Variants in ACSL4 observed in about 807,000 individuals in gnomAD.
ACSL4 encodes long-chain-fatty-acid--CoA ligase 4.
In ACSL4, 9 loss-of-function variants were observed where a neutral mutation model predicts 49.1. That is an observed-to-expected ratio of 0.18 (90% CI 0.11 to 0.32). ACSL4 has a LOEUF of 0.32. ACSL4 is among the 10% of genes least tolerant of loss of function. The pLI, the probability that ACSL4 is intolerant of heterozygous loss-of-function variation, is 1.00. For synonymous variants in ACSL4, 191 were observed against 170.3 expected, an observed-to-expected ratio of 1.12 and a Z score of -0.95; for missense variants, 333 against 493.7, an observed-to-expected ratio of 0.67 and a Z score of 3.08.
In ACSL4 at chrX:109,661,347, C is replaced by T. The variant is rs1038060338; in HGVS notation, c.1697+184G>A. Among the ~76,000 whole-genome samples the T allele has an allele frequency of 6.3e-5, 7 of 111,752 alleles. No individual in the cohort carries two copies. In the South Asian group the frequency reaches 2.2e-3, roughly 35 times the overall value. On this transcript the variant is annotated intron_variant, in intron 14 of 15. Coordinates refer to ENST00000672401, the MANE Select transcript of ACSL4 (RefSeq NM_001318510.2). ...GCAGGTGTCCAATAAATAGTTAACA[C>T]GTCTGAGTTATCTAAAATGATCTTT...
intron 9 of ACSL4, among the ~76,000 whole-genome samples, 181 bp downstream of exon 9, chrX:109,674,221 A>G (rs1305235065): frequency 8.9e-6 from 1 of 112,041 alleles, no homozygotes; most frequent in Non-Finnish European, 1.9e-5. Flanking sequence ...AAATCTTGCC[A>G]TTTTGTCTTC....
chrX:109,729,484 G>A (rs1928262197), intron 1 of ACSL4, among the ~76,000 whole-genome samples: 1 of 111,682 alleles, frequency 9.0e-6, no homozygotes, highest in African/African-American at 3.3e-5. Context: ...ATTCCTGGTG[G>A]GAATGTAAAA....
chrX:109,674,980 TAG>T (rs1347159407), intron 8 of ACSL4, among the ~76,000 whole-genome samples: 1 of 112,426 alleles, frequency 8.9e-6, no homozygotes, highest in Non-Finnish European at 1.9e-5. Context: ...AGGGACAAAG[TAG>T]AGATACACAT....
At position 109,669,021 on chromosome X, in the gene ACSL4, G is replaced by A. The variant is rs1472989766; in HGVS notation, c.1142+13C>T. The A allele has an allele frequency of 1.7e-6, 2 of 1,199,721 alleles. No individual in the cohort carries two copies. Among genetic ancestry groups the A allele is most frequent in the African/African-American group, 1.7e-5 (1 of 57,551 alleles). Reference sequence around the variant, plus strand: ...TAAAGGCTCAAACCACAGAGCCTATGAAATGTACTTACAGATTGCAAAGAG... The same window carrying A: ...TAAAGGCTCAAACCACAGAGCCTATAAAATGTACTTACAGATTGCAAAGAG... On this transcript the variant is annotated intron_variant, in intron 10 of 15. Transcript: ENST00000672401.
intron 15 of ACSL4, among the ~76,000 whole-genome samples, chrX:109,657,234 C>A (rs1249317481): frequency 1.8e-5 from 2 of 111,376 alleles, no homozygotes; most frequent in Non-Finnish European, 3.8e-5. Context: ...TTTTTTTATA[C>A]TTTAAGTTCT....
At chrX:109,697,714 G>A (rs758553999) in intron 1 of ACSL4, among the ~76,000 whole-genome samples, 5 of 97,646 alleles carry the variant, frequency 5.1e-5, no homozygotes, top group East Asian at 7.3e-4. Context: ...TTGACATGGG[G>A]GGGGGGGCGC....
chrX:109,699,502 T>C (rs1925706514), intron 1 of ACSL4, among the ~76,000 whole-genome samples: 1 of 112,392 alleles, frequency 8.9e-6, no homozygotes, highest in Non-Finnish European at 1.9e-5. Flanking sequence ...ACATATTGGT[T>C]AATAGTAGAT....
chrX:109,681,876 C>T (rs1211301064), intron 4 of ACSL4, among the ~76,000 whole-genome samples: 1 of 111,510 alleles, frequency 9.0e-6, no homozygotes, highest in Non-Finnish European at 1.9e-5. Context: ...GATTGGTGAC[C>T]TCCACACCTT....
chrX:109,729,029 T>C (rs1396453873), intron 1 of ACSL4, among the ~76,000 whole-genome samples: 6 of 102,230 alleles, frequency 5.9e-5, no homozygotes, highest in Non-Finnish European at 1.2e-4. Flanking sequence ...GCTAACACGG[T>C]GAAACCCTGT....
chrX:109,720,559 T>G (rs1358003131), intron 1 of ACSL4, among the ~76,000 whole-genome samples: 2 of 111,614 alleles, frequency 1.8e-5, no homozygotes, highest in Admixed American at 1.9e-4. Flanking sequence ...GCTTAAAAAT[T>G]TATAACATGT....
At chrX:109,698,985 G>A (rs979602600) in intron 1 of ACSL4, among the ~76,000 whole-genome samples, 6 of 112,612 alleles carry the variant, frequency 5.3e-5, no homozygotes, top group Non-Finnish European at 9.4e-5. Flanking sequence ...TTTCAAGCAC[G>A]AAGAATCATC....
chrX:109,651,222 T>G (rs778027560), intron 15 of ACSL4, among the ~76,000 whole-genome samples: 37 of 112,064 alleles, frequency 3.3e-4, no homozygotes, highest in Non-Finnish European at 6.6e-4. Context: ...TTAATCAACA[T>G]AAAATGTTAT....
chrX:109,702,211 G>C (rs1926023555), intron 1 of ACSL4, among the ~76,000 whole-genome samples: 1 of 110,809 alleles, frequency 9.0e-6, no homozygotes, highest in Non-Finnish European at 1.9e-5. Context: ...GCAAACCTCT[G>C]TCTCAAAAAA....
At chrX:109,691,851 A>T (rs1236649351) in intron 2 of ACSL4, among the ~76,000 whole-genome samples, 1 of 112,006 alleles carries the variant, frequency 8.9e-6, no homozygotes, top group East Asian at 2.8e-4. Flanking sequence ...TCAAATATAC[A>T]GTAATTATAA....
rs1442131346 is a variant in ACSL4, at chrX:109,733,076, G to T, written c.-66+63C>A. ...GTACGCCAGTCCCCCTCTGGAAATG[G>T]GGCCCTGGTACCGACAGGGCAGGGG... On this transcript the variant is annotated intron_variant, in intron 1 of 15. Coordinates refer to ENST00000672401, the MANE Select transcript of ACSL4 (RefSeq NM_001318510.2). 5 of 328,483 alleles carry T rather than the reference G, an allele frequency of 1.5e-5. No individual in the cohort carries two copies. The Admixed American group carries it at 1.6e-4, about 10-fold the overall frequency. 27.1% of individuals were successfully genotyped at this position (328,483 alleles called of 1,213,427 possible).
At position 109,661,742 on chromosome X, in the gene ACSL4, A is replaced by G. The variant is rs1478261834; in HGVS notation, c.1583-97T>C. ...TCATTGCCTTAATCGTTATTTACAA[A>G]ACTACTTCTTCTAAAATTATTATTA... On this transcript the variant is annotated intron_variant, in intron 13 of 15. Transcript: ENST00000672401. 5.1e-6 allele frequency: 3 copies of G among 589,746 alleles called. No homozygotes were observed. In the East Asian group the frequency reaches 1.0e-4, roughly 21 times the overall value. 48.6% of individuals were successfully genotyped at this position (589,746 alleles called of 1,213,427 possible).
At chrX:109,683,649 G>A in intron 2 of ACSL4, 1 of 447,645 alleles carries the variant, frequency 2.2e-6, no homozygotes, top group Non-Finnish European at 3.8e-6. Flanking sequence ...ATCTTTGGAA[G>A]CCGACAATAA....
At chrX:109,732,597 A>T (rs745485051) in intron 1 of ACSL4, among the ~76,000 whole-genome samples, 3 of 111,885 alleles carry the variant, frequency 2.7e-5, no homozygotes, top group Non-Finnish European at 5.7e-5. Context: ...AAGCCTACGG[A>T]AGCTAGGAAG....
Position 109,650,096 on chromosome X carries a change from A to C in ACSL4, c.1856-5910T>G, listed in dbSNP as rs192951731. Among the ~76,000 whole-genome samples the C allele has an allele frequency of 7.4e-3, 829 of 111,849 alleles. 8 individuals carry two copies. The highest frequency in any genetic ancestry group is 0.026 in the African/African-American group (783 of 30,702). ...TGTTGGTGGGACTGTAAACTAGTTC[A>C]ACCGTTGTGGAAGTCAGTGTGGTGA... On this transcript the variant is annotated intron_variant, in intron 15 of 15. Transcript: ENST00000672401.
Sources: gnomAD v4.1 joint callset for allele counts (sites outside exome capture counted in the v4.1 genomes callset) on GRCh38, gnomAD v4.1.1 for gene constraint, MANE v1.5 for transcripts, NCBI Gene and HGNC (gene_info 2026-07-23, HGNC 2026-07-21) for gene names.